Variants in ZEB2 observed in about 807,000 individuals in gnomAD.
ZEB2 encodes the protein zinc finger E-box binding homeobox 2.
A neutral mutation model predicts 99.9 loss-of-function variants in ZEB2; 6 were observed. The ratio of observed to expected loss-of-function variants is 0.06; its 90% CI spans 0.03 to 0.12. ZEB2 has a LOEUF of 0.12. ZEB2 is among the 10% of genes least tolerant of loss of function. The pLI, the probability that ZEB2 is intolerant of heterozygous loss-of-function variation, is 1.00. For synonymous variants in ZEB2, 517 were observed against 542.5 expected (o/e 0.95, Z 0.65); for missense variants, 969 against 1,502.8 (o/e 0.64, Z 5.87).
At position 144,498,015 on chromosome 2, in the gene ZEB2, ATAT is replaced by A. The variant is rs1445544448; in HGVS notation, c.73+19260_73+19262del. On this transcript the variant is annotated intron_variant, in intron 2 of 9. Coordinates refer to ENST00000627532, the MANE Select transcript of ZEB2 (RefSeq NM_014795.4). ...ATATTATATATTATATAATATATTA[ATAT>A]TATATATTATATAATATATATTAAT... 4.0e-4 allele frequency among the ~76,000 whole-genome samples: 10 copies of A among 25,182 alleles called. 1 individual carries two copies. The highest frequency in any genetic ancestry group is 6.4e-4 in the Non-Finnish European group (8 of 12,586). 16.5% of individuals were successfully genotyped at this position (25,182 alleles called of 152,430 possible).
chr2:144,422,988 T>A (rs1331106218), intron 4 of ZEB2, among the ~76,000 whole-genome samples: 1 of 152,208 alleles, frequency 6.6e-6, no homozygotes, highest in East Asian at 1.9e-4. Flanking sequence ...CTACCACATA[T>A]GCACACAGCA....
intron 2 of ZEB2, among the ~76,000 whole-genome samples, chr2:144,477,662 C>T (rs1043485361): frequency 2.6e-5 from 4 of 152,190 alleles, no homozygotes; most frequent in African/African-American, 9.7e-5. Flanking sequence ...TATTCTTCAG[C>T]TACTTTTGAG....
intron 4 of ZEB2, among the ~76,000 whole-genome samples, chr2:144,406,724 T>C (rs557896630): frequency 1.3e-5 from 2 of 152,292 alleles, no homozygotes; most frequent in Admixed American, 6.5e-5. Context: ...CAGGAAGCTA[T>C]TGAAGAGTAT....
intron 9 of ZEB2, 43 bp from the exon 10 acceptor site, chr2:144,390,071 A>T (rs748793750): frequency 8.8e-6 from 14 of 1,590,070 alleles, no homozygotes; most frequent in Non-Finnish European, 1.2e-5. Flanking sequence ...GTGTCTTTGC[A>T]TGAAGTCTCT....
intron 9 of ZEB2, among the ~76,000 whole-genome samples, chr2:144,395,624 G>C (rs1265442063): frequency 4.6e-5 from 7 of 152,132 alleles, no homozygotes; most frequent in Middle Eastern, 3.2e-3. Context: ...GGTGGGGATG[G>C]AGCCAGGGAG....
intron 2 of ZEB2, among the ~76,000 whole-genome samples, chr2:144,448,349 T>C (rs1028595511): frequency 1.3e-5 from 2 of 152,156 alleles, no homozygotes; most frequent in African/African-American, 2.4e-5. Context: ...TGCCACCCTA[T>C]GAGGTAGGCA....
intron 2 of ZEB2, chr2:144,444,964 T>C (rs1703963310): frequency 6.6e-6 from 1 of 152,228 alleles, no homozygotes; most frequent in African/African-American, 2.4e-5. Flanking sequence ...TGACTTTTAA[T>C]GATCTGATCT....
rs1216397878 is a variant in ZEB2, at chr2:144,429,752, T to TGAA, written c.331+16_331+17insTTC. The TGAA allele has an allele frequency of 1.2e-6, 2 of 1,613,628 alleles. No individual in the cohort carries two copies. The highest frequency in any genetic ancestry group is 4.5e-5 in the East Asian group (2 of 44,882). ...GAAGATGGTACAGGAAGAGGCCAAGTGATTTTAGACACTTACCTGGACCAT... is the reference window on the plus strand; with the variant it reads ...GAAGATGGTACAGGAAGAGGCCAAGTGAAGATTTTAGACACTTACCTGGACCAT... On this transcript the variant is annotated intron_variant, in intron 3 of 9. Coordinates refer to ENST00000627532, the MANE Select transcript of ZEB2 (RefSeq NM_014795.4).
At position 144,398,297 on chromosome 2, in the gene ZEB2, T is replaced by C; in HGVS notation, c.2886+4A>G. 1 of 1,613,458 alleles carries C rather than the reference T, an allele frequency of 6.2e-7. No homozygotes were observed. Reference sequence around the variant, plus strand: ...TCATAGCAGAAAAACATTTGTCTCTTTACCTGAAATCCTTGTTTCCGCTGG... The same window carrying C: ...TCATAGCAGAAAAACATTTGTCTCTCTACCTGAAATCCTTGTTTCCGCTGG... On this transcript the variant is annotated splice_donor_region_variant and intron_variant, in intron 8 of 9. Transcript: ENST00000627532.
At chr2:144,433,739 A>C (rs1325845445) in intron 2 of ZEB2, among the ~76,000 whole-genome samples, 2 of 152,204 alleles carry the variant, frequency 1.3e-5, no homozygotes, top group Non-Finnish European at 2.9e-5. Context: ...ACTCTAAATT[A>C]TATCACTATG....
intron 2 of ZEB2, among the ~76,000 whole-genome samples, chr2:144,431,395 AT>A (rs113931533): frequency 9.3e-4 from 136 of 146,384 alleles, no homozygotes; most frequent in East Asian, 1.6e-3. Context: ...AAAGAGAGAG[AT>A]TTTTTTTTTT....
intron 2 of ZEB2, among the ~76,000 whole-genome samples, chr2:144,433,581 A>C (rs986553286): frequency 7.9e-5 from 12 of 152,214 alleles, no homozygotes; most frequent in Non-Finnish European, 1.8e-4. Context: ...GCTTTATAGC[A>C]AATGGGCCTG....
At chr2:144,394,524 T>C (rs537916206) in intron 9 of ZEB2, 1 of 152,324 alleles carries the variant, frequency 6.6e-6, no homozygotes, top group Admixed American at 6.5e-5. Context: ...GATTAAAATA[T>C]TAAAATTAAA....
At chr2:144,395,639 C>T (rs1189777070) in intron 9 of ZEB2, among the ~76,000 whole-genome samples, 1 of 152,114 alleles carries the variant, frequency 6.6e-6, no homozygotes, top group Non-Finnish European at 1.5e-5. Context: ...AGGGAGGAAA[C>T]ACAAGTGGAG....
intron 2 of ZEB2, among the ~76,000 whole-genome samples, chr2:144,467,172 A>G (rs1304392768): frequency 6.6e-6 from 1 of 152,076 alleles, no homozygotes; most frequent in African/African-American, 2.4e-5. Flanking sequence ...TAAAAAAAAA[A>G]AGGCCTGTCT....
Position 144,389,997 on chromosome 2 carries a change from C to G in ZEB2, c.3099G>C (p.Lys1033Asn). ...GKRPHQCQIC[K>N]KAFKHKHHLI... ...GGTGGTGCTTGTGTTTAAACGCTTT[C>G]TTACAAATCTGACACTGATGTGGTC... Residue 1033 changes from lysine (K) to asparagine (N), a missense_variant, in exon 10 of 10, where the codon AAG becomes AAC. Lys to Asn is a moderately conservative substitution (Grantham distance 94). Coordinates refer to ENST00000627532, the MANE Select transcript of ZEB2 (RefSeq NM_014795.4). This position sits in a 1 kb window ranked among gnomAD's most constrained non-coding sequence, Gnocchi z 6.8. 1 of 1,601,940 alleles carries G rather than the reference C, an allele frequency of 6.2e-7. No individual in the cohort carries two copies. Among genetic ancestry groups the G allele is most frequent in the Non-Finnish European group, 8.5e-7 (1 of 1,179,970 alleles).
At chr2:144,443,991 G>A (rs910798783) in intron 2 of ZEB2, among the ~76,000 whole-genome samples, 6 of 152,164 alleles carry the variant, frequency 3.9e-5, no homozygotes, top group African/African-American at 1.4e-4. Context: ...CATGGTGACA[G>A]CAGCCATTCC....
intron 2 of ZEB2, among the ~76,000 whole-genome samples, chr2:144,440,863 G>A (rs926352817): frequency 6.6e-6 from 1 of 151,634 alleles, no homozygotes; most frequent in Admixed American, 6.6e-5. Context: ...AAAAATGGAT[G>A]GATTGATGTC....
intron 2 of ZEB2, among the ~76,000 whole-genome samples, chr2:144,514,968 G>A (rs774794295): frequency 5.3e-5 from 8 of 152,182 alleles, no homozygotes; most frequent in Non-Finnish European, 7.3e-5. Flanking sequence ...AGCGCCCAAC[G>A]GGCCTCCCTC....
Sources: allele counts gnomAD v4.1 joint callset (sites outside exome capture counted in the v4.1 genomes callset), GRCh38; gene constraint gnomAD v4.1.1; non-coding constraint Gnocchi (gnomAD v3.1); transcripts MANE v1.5; gene names NCBI Gene and HGNC (gene_info 2026-07-23, HGNC 2026-07-21).